SLC44A5: variants seen among roughly 807,000 people sequenced by gnomAD.
SLC44A5 encodes choline transporter-like protein 5.
Under a neutral mutation model 101.8 loss-of-function variants are expected in SLC44A5, and 57 were observed. The observed-to-expected ratio is 0.56, with a 90% confidence interval of 0.45 to 0.70. The LOEUF (loss-of-function observed/expected upper bound fraction) is 0.70. SLC44A5 is among the 30% of genes least tolerant of loss of function. The pLI, the probability that SLC44A5 is intolerant of heterozygous loss-of-function variation, is 0.00. For synonymous variants in SLC44A5, 281 were observed against 290.9 expected (o/e 0.97, Z 0.35); for missense variants, 737 against 853.1 (o/e 0.86, Z 1.70).
chr1:75,321,477 A>C (rs1426050731), intron 4 of SLC44A5, among the ~76,000 whole-genome samples: 1 of 151,200 alleles, frequency 6.6e-6, no homozygotes, highest in Non-Finnish European at 1.5e-5. Context: ...AGAGAGAGAG[A>C]GAGATCATCC....
At chr1:75,647,131 C>T in the SLC44A5 span, among the ~76,000 whole-genome samples, 1 of 152,208 alleles carries the variant, frequency 6.6e-6, no homozygotes, top group South Asian at 2.1e-4. Flanking sequence ...CAAGGCTTTG[C>T]TGCTTTGTGC....
chr1:75,409,581 ATATT>A (rs1410516720), intron 2 of SLC44A5, among the ~76,000 whole-genome samples: 2 of 152,186 alleles, frequency 1.3e-5, no homozygotes, highest in South Asian at 4.1e-4. Context: ...AAAGAGAATA[ATATT>A]TAGAGAGTTT....
At position 75,487,292 on chromosome 1, in the gene SLC44A5, A is replaced by G. The variant is rs377141404; in HGVS notation, c.13+54143T>C. Among the ~76,000 whole-genome samples, 7 of 152,224 alleles carry G rather than the reference A, an allele frequency of 4.6e-5. No homozygotes were observed. The East Asian group carries it at 1.3e-3, about 29-fold the overall frequency. On this transcript the variant is annotated intron_variant, in intron 2 of 23. Transcript: ENST00000370859. ...ATAACAGGAAGAGGAACTCTTATGG[A>G]GTAGTGAAAAACTGGCAACTCAGAA...
chr1:75,484,642 A>G (rs777095807), intron 2 of SLC44A5, among the ~76,000 whole-genome samples: 1 of 152,140 alleles, frequency 6.6e-6, no homozygotes, highest in African/African-American at 2.4e-5. Context: ...CAGCTCCCCT[A>G]GGCAACATTG....
intron 4 of SLC44A5, among the ~76,000 whole-genome samples, chr1:75,330,427 C>T (rs879840130): frequency 6.6e-6 from 1 of 152,062 alleles, no homozygotes; most frequent in Non-Finnish European, 1.5e-5. Flanking sequence ...CTTTTCATTA[C>T]CAAAACTATT....
At chr1:75,330,102 T>TACAC (rs1261179953) in intron 4 of SLC44A5, among the ~76,000 whole-genome samples, 3 of 142,414 alleles carry the variant, frequency 2.1e-5, no homozygotes, top group South Asian at 2.2e-4. Flanking sequence ...GAAATATATA[T>TACAC]ATATACACAC....
the SLC44A5 span, among the ~76,000 whole-genome samples, chr1:75,679,520 T>A: frequency 6.6e-6 from 1 of 151,620 alleles, no homozygotes; most frequent in African/African-American, 2.4e-5. Context: ...CTAAGCTTCA[T>A]AAGTGAAGGA....
chr1:75,522,717 T>G (rs759347590), intron 2 of SLC44A5, among the ~76,000 whole-genome samples: 2 of 152,202 alleles, frequency 1.3e-5, no homozygotes, highest in Admixed American at 1.3e-4. Context: ...CTTGAAGGAC[T>G]TTCTTATTAT....
At chr1:75,394,803 C>T (rs930242076) in intron 3 of SLC44A5, among the ~76,000 whole-genome samples, 4 of 151,970 alleles carry the variant, frequency 2.6e-5, no homozygotes, top group Admixed American at 2.6e-4. Context: ...GACAAAAATG[C>T]CATCATCCAC....
the SLC44A5 span, among the ~76,000 whole-genome samples, chr1:75,647,973 T>C: frequency 2.6e-5 from 4 of 152,172 alleles, no homozygotes; most frequent in Non-Finnish European, 5.9e-5. Context: ...AATTTTGTTT[T>C]GAAACGTGAG....
At position 75,222,897 on chromosome 1, in the gene SLC44A5, G is replaced by A. The variant is rs1647117801; in HGVS notation, c.986-437C>T. Reference sequence around the variant, plus strand: ...CTGTCCTTGCTGGCTGGCAGGGCAGGTTCTTGGCTGTCCCATTATTAATTT... The same window carrying A: ...CTGTCCTTGCTGGCTGGCAGGGCAGATTCTTGGCTGTCCCATTATTAATTT... On this transcript the variant is annotated intron_variant, in intron 13 of 23. Transcript: ENST00000370859. 2.0e-5 allele frequency among the ~76,000 whole-genome samples: 3 copies of A among 152,126 alleles called. No individual in the cohort carries two copies. In the South Asian group the frequency reaches 6.2e-4, roughly 32 times the overall value.
chr1:75,466,086 C>T lies in SLC44A5; in HGVS notation c.14-69465G>A, dbSNP rs990458827. On this transcript the variant is annotated intron_variant, in intron 2 of 23. Coordinates refer to ENST00000370859, the MANE Select transcript of SLC44A5 (RefSeq NM_001130058.2). Reference sequence around the variant, plus strand: ...AAGAGACATCAAAAAAAGGAAACTACATGCCAATATCTCTGATGAATATTG... The same window carrying T: ...AAGAGACATCAAAAAAAGGAAACTATATGCCAATATCTCTGATGAATATTG... Among the ~76,000 whole-genome samples, 5 of 152,132 alleles carry T rather than the reference C, an allele frequency of 3.3e-5. No individual in the cohort carries two copies. The East Asian group carries it at 9.6e-4, about 29-fold the overall frequency.
intron 3 of SLC44A5, among the ~76,000 whole-genome samples, chr1:75,385,924 A>C (rs796483113): frequency 1.3e-5 from 2 of 152,186 alleles, no homozygotes; most frequent in South Asian, 4.1e-4. Context: ...CAATAAATGT[A>C]ATCCAGCATA....
chr1:75,268,124 C>T (rs531689951), intron 6 of SLC44A5, among the ~76,000 whole-genome samples: 1 of 152,210 alleles, frequency 6.6e-6, no homozygotes, highest in South Asian at 2.1e-4. Context: ...CTCATTCCAC[C>T]ACCCTCTTTA....
intron 2 of SLC44A5, among the ~76,000 whole-genome samples, chr1:75,532,320 C>T (rs993155318): frequency 1.1e-4 from 16 of 152,148 alleles, no homozygotes; most frequent in African/African-American, 3.1e-4. Flanking sequence ...TACACTTGCA[C>T]GTTACTTCAG....
chr1:75,615,788 G>A (rs963259689), upstream of SLC44A5: 3 of 900,982 alleles, frequency 3.3e-6, no homozygotes, highest in Middle Eastern at 3.3e-4. Flanking sequence ...TAAACAGGCC[G>A]GCCCGAGGGG....
chr1:75,499,015 T>C (rs1201712981), intron 2 of SLC44A5, among the ~76,000 whole-genome samples: 1 of 152,208 alleles, frequency 6.6e-6, no homozygotes, highest in Non-Finnish European at 1.5e-5. Context: ...TATGTTTAGC[T>C]AAATGAATAC....
the SLC44A5 span, chr1:75,710,666 G>C: frequency 2.0e-5 from 3 of 151,220 alleles, no homozygotes; most frequent in Admixed American, 6.6e-5. Flanking sequence ...TTTGTAACTA[G>C]GCACAATTTA....
chr1:75,619,395 G>C, the SLC44A5 span, among the ~76,000 whole-genome samples: 3 of 152,098 alleles, frequency 2.0e-5, no homozygotes, highest in Admixed American at 2.0e-4. Context: ...TTGACCAAGG[G>C]AAGGGGACTG....
Sources: allele counts gnomAD v4.1 joint callset (sites outside exome capture counted in the v4.1 genomes callset), GRCh38; gene constraint gnomAD v4.1.1; transcripts MANE v1.5; gene names NCBI Gene and HGNC (gene_info 2026-07-23, HGNC 2026-07-21).